Variants in LOC128125817 observed in about 807,000 individuals in gnomAD.
the LOC128125817 span, among the ~76,000 whole-genome samples, chr1:41,609,210 A>T: frequency 2.4e-4 from 36 of 152,252 alleles, no homozygotes; most frequent in African/African-American, 8.0e-4. Flanking sequence ...GACACCGGAA[A>T]GGAAGATGAA....
the LOC128125817 span, among the ~76,000 whole-genome samples, chr1:41,625,733 T>C: frequency 0.042 from 6,406 of 152,196 alleles, 218 homozygotes; most frequent in Middle Eastern, 0.095. Context: ...AGACAGTATA[T>C]ATCAAAAATA....
chr1:41,616,620 C>CT, the LOC128125817 span, among the ~76,000 whole-genome samples: 57,566 of 112,430 alleles, frequency 0.51, 15,743 homozygotes, highest in Non-Finnish European at 0.56. Context: ...GATGGGGAGC[C>CT]TTTTTTTTTT....
chr1:41,624,096 C>A, the LOC128125817 span, among the ~76,000 whole-genome samples: 1 of 152,176 alleles, frequency 6.6e-6, no homozygotes, highest in East Asian at 1.9e-4. Context: ...CCCTGGGTTG[C>A]GAAGAGTACT....
chr1:41,609,560 AC>A, the LOC128125817 span, among the ~76,000 whole-genome samples: 1 of 152,192 alleles, frequency 6.6e-6, no homozygotes, highest in Non-Finnish European at 1.5e-5. Context: ...AAAGGGTTCC[AC>A]CCCATCCTCT....
chr1:41,610,574 A>G, the LOC128125817 span, among the ~76,000 whole-genome samples: 1 of 152,192 alleles, frequency 6.6e-6, no homozygotes, highest in Non-Finnish European at 1.5e-5. Flanking sequence ...AAAGCAGGCT[A>G]ACAGCACTGC....
At chr1:41,628,210 A>G in the LOC128125817 span, among the ~76,000 whole-genome samples, 1 of 152,158 alleles carries the variant, frequency 6.6e-6, no homozygotes, top group Non-Finnish European at 1.5e-5. Flanking sequence ...CCCAACCCTG[A>G]CATCTTTTCA....
At chr1:41,601,913 T>C in the LOC128125817 span, among the ~76,000 whole-genome samples, 3 of 152,296 alleles carry the variant, frequency 2.0e-5, no homozygotes, top group South Asian at 4.1e-4. Flanking sequence ...TGAAGTACTT[T>C]CCCTCTAGTC....
At chr1:41,627,789 C>T in the LOC128125817 span, among the ~76,000 whole-genome samples, 1 of 152,188 alleles carries the variant, frequency 6.6e-6, no homozygotes, top group Non-Finnish European at 1.5e-5. Flanking sequence ...GCCTTGGCTG[C>T]ATCAGAATCA....
At chr1:41,612,679 A>G in the LOC128125817 span, among the ~76,000 whole-genome samples, 1 of 152,138 alleles carries the variant, frequency 6.6e-6, no homozygotes, top group Non-Finnish European at 1.5e-5. Flanking sequence ...TGTATTCCTG[A>G]GCTATCCTTT....
the LOC128125817 span, among the ~76,000 whole-genome samples, chr1:41,627,718 A>G: frequency 3.3e-5 from 5 of 152,066 alleles, no homozygotes. Flanking sequence ...TGCCTTGGAA[A>G]TCTCAGCTGG....
chr1:41,599,380 C>T, the LOC128125817 span, among the ~76,000 whole-genome samples: 6 of 152,240 alleles, frequency 3.9e-5, no homozygotes, highest in South Asian at 2.1e-4. Flanking sequence ...TTGACAAACG[C>T]GTAATCACAT....
At chr1:41,591,898 C>T in the LOC128125817 span, among the ~76,000 whole-genome samples, 3 of 152,116 alleles carry the variant, frequency 2.0e-5, no homozygotes, top group Non-Finnish European at 2.9e-5. Context: ...CCAACGAGAG[C>T]GGGCTGGGAA....
At chr1:41,612,074 C>G in the LOC128125817 span, among the ~76,000 whole-genome samples, 4 of 152,118 alleles carry the variant, frequency 2.6e-5, no homozygotes, top group Admixed American at 6.5e-5. Context: ...CCCGCCTCCC[C>G]ACCTTCCTCC....
At chr1:41,602,341 T>A in the LOC128125817 span, among the ~76,000 whole-genome samples, 1 of 152,170 alleles carries the variant, frequency 6.6e-6, no homozygotes, top group Non-Finnish European at 1.5e-5. Context: ...TTAAAAAATA[T>A]TTTGGTAGAA....
chr1:41,607,928 A>C, the LOC128125817 span, among the ~76,000 whole-genome samples: 2 of 152,190 alleles, frequency 1.3e-5, no homozygotes, highest in African/African-American at 4.8e-5. Context: ...CACCCTACTC[A>C]GTGGGAACGA....
the LOC128125817 span, among the ~76,000 whole-genome samples, chr1:41,622,101 T>C: frequency 1.3e-5 from 2 of 152,172 alleles, no homozygotes; most frequent in Non-Finnish European, 2.9e-5. Flanking sequence ...TTGGGTTCAA[T>C]AACAAATGCT....
At chr1:41,619,826 G>C in the LOC128125817 span, among the ~76,000 whole-genome samples, 1 of 152,192 alleles carries the variant, frequency 6.6e-6, no homozygotes, top group Admixed American at 6.5e-5. Context: ...AGCCCCGGTA[G>C]AGCAGCTCCA....
chr1:41,622,943 C>T, the LOC128125817 span, among the ~76,000 whole-genome samples: 222 of 152,366 alleles, frequency 1.5e-3, 1 homozygote, highest in Non-Finnish European at 1.3e-3. Context: ...AGAGTAACTG[C>T]TGGATATAGC....
the LOC128125817 span, among the ~76,000 whole-genome samples, chr1:41,592,810 T>C: frequency 2.0e-5 from 3 of 152,246 alleles, no homozygotes; most frequent in East Asian, 3.8e-4. Context: ...TCCCACAGCA[T>C]TGACCTACCA....
Sources: gnomAD v4.1 joint callset for allele counts (sites outside exome capture counted in the v4.1 genomes callset) on GRCh38, gnomAD v4.1.1 for gene constraint, MANE v1.5 for transcripts.